IDE: variants seen among roughly 807,000 people sequenced by gnomAD.
IDE encodes insulin degrading enzyme.
In IDE, 58 loss-of-function variants were observed where a neutral mutation model predicts 133.2. The ratio of observed to expected loss-of-function variants is 0.44; its 90% CI spans 0.35 to 0.54. The LOEUF (loss-of-function observed/expected upper bound fraction) is 0.54. IDE is among the 20% of genes least tolerant of loss of function. The probability of loss-of-function intolerance (pLI) is 0.00; values close to 1 mark genes in which losing one functional copy is unlikely to be tolerated. For synonymous variants in IDE, 396 were observed against 421.3 expected, an observed-to-expected ratio of 0.94 and a Z score of 0.73; for missense variants, 981 against 1,234.0, an observed-to-expected ratio of 0.79 and a Z score of 3.07.
At chr10:92,552,142 GAACTT>G (rs1350072681) in intron 1 of IDE, among the ~76,000 whole-genome samples, 1 of 152,074 alleles carries the variant, frequency 6.6e-6, no homozygotes, top group African/African-American at 2.4e-5. Flanking sequence ...TAAAAGAAAA[GAACTT>G]AACTATGGAA....
rs866521758 is a variant in IDE at position 92,519,895 on chromosome 10, A to G, written c.662-4853T>C. 7.2e-5 allele frequency among the ~76,000 whole-genome samples: 11 copies of G among 152,354 alleles called. 1 individual carries two copies. In the South Asian group the frequency reaches 2.1e-3, roughly 29 times the overall value. On this transcript the variant is annotated intron_variant, in intron 4 of 24. Transcript: ENST00000265986. Reference sequence around the variant, plus strand: ...TGAGGCAGGCGGATCACCTGAGGTCAGGAGCTTGAGACCAGCCTGGCCAAC... The same window carrying G: ...TGAGGCAGGCGGATCACCTGAGGTCGGGAGCTTGAGACCAGCCTGGCCAAC...
At chr10:92,535,364 A>G (rs564208219) in intron 2 of IDE, among the ~76,000 whole-genome samples, 1 of 152,252 alleles carries the variant, frequency 6.6e-6, no homozygotes, top group South Asian at 2.1e-4. Context: ...CGGCCTCCCA[A>G]AGTGCTGGGA....
chr10:92,495,369 C>T (rs1343327294), intron 11 of IDE, among the ~76,000 whole-genome samples: 2 of 151,960 alleles, frequency 1.3e-5, no homozygotes, highest in African/African-American at 4.8e-5. Flanking sequence ...TACAGGCACA[C>T]GCCACCATGC....
chr10:92,485,832 C>T (rs1422548558), intron 13 of IDE, among the ~76,000 whole-genome samples: 2 of 152,024 alleles, frequency 1.3e-5, no homozygotes, highest in African/African-American at 4.8e-5. Context: ...AATCCAGCTA[C>T]TTAGGAGGCT....
At chr10:92,462,542 G>T (rs1845449588) in intron 21 of IDE, among the ~76,000 whole-genome samples, 1 of 151,960 alleles carries the variant, frequency 6.6e-6, no homozygotes, top group South Asian at 2.1e-4. Context: ...GGAGGTGGAG[G>T]TTGCGGTGAG....
chr10:92,571,083 G>A (rs1160719436), intron 1 of IDE, among the ~76,000 whole-genome samples: 2 of 151,302 alleles, frequency 1.3e-5, no homozygotes, highest in Admixed American at 6.6e-5. Flanking sequence ...GGGTTCAAGC[G>A]ATTCTCCTGC....
At chr10:92,487,753 G>A (rs1336810095) in intron 12 of IDE, among the ~76,000 whole-genome samples, 1 of 152,194 alleles carries the variant, frequency 6.6e-6, no homozygotes, top group Non-Finnish European at 1.5e-5. Flanking sequence ...ATCCATGAAT[G>A]GCCTGAAAGC....
rs1205968986 is a variant in IDE, at chr10:92,479,277, A to T, written c.1884T>A (p.Tyr628Ter). ...YDLQNTIYGM[Y>*]LSVKGYNDKQ... ...AAGGCTCTAAGGCGTGGGTACTTAC[A>T]TACATCCCATAGATGGTATTTTGGA... is the stretch of plus-strand genomic sequence containing the variant. Residue 628 changes from tyrosine (Y) to a stop codon, truncating the protein, a stop_gained and splice_region_variant, in exon 15 of 25, where the codon TAT (tyrosine) becomes TAA (stop). Coordinates refer to ENST00000265986, the MANE Select transcript of IDE (RefSeq NM_004969.4). LOFTEE classifies it high-confidence loss of function. 1 of 1,606,570 alleles carries T rather than the reference A, an allele frequency of 6.2e-7. No homozygotes were observed. The highest frequency in any genetic ancestry group is 8.5e-7 in the Non-Finnish European group (1 of 1,173,708).
At chr10:92,545,893 A>G (rs1842515822) in intron 1 of IDE, among the ~76,000 whole-genome samples, 1 of 152,234 alleles carries the variant, frequency 6.6e-6, no homozygotes, top group African/African-American at 2.4e-5. Flanking sequence ...GGCACTATAC[A>G]CTAAAGCTCA....
At chr10:92,570,907 C>G (rs1843749984) in intron 1 of IDE, among the ~76,000 whole-genome samples, 1 of 151,616 alleles carries the variant, frequency 6.6e-6, no homozygotes, top group Admixed American at 6.6e-5. Context: ...CAGAGTGAAA[C>G]CCTGTCTCGA....
chr10:92,541,908 T>A (rs1406525021), intron 1 of IDE, among the ~76,000 whole-genome samples: 1 of 152,166 alleles, frequency 6.6e-6, no homozygotes, highest in Non-Finnish European at 1.5e-5. Context: ...TCCCCTCATC[T>A]TACATACAAG....
Position 92,534,802 on chromosome 10 carries a change from G to A in IDE, c.284-17C>T, listed in dbSNP as rs374815692. On this transcript the variant is annotated splice_polypyrimidine_tract_variant and intron_variant, in intron 2 of 24. Coordinates refer to ENST00000265986, the MANE Select transcript of IDE (RefSeq NM_004969.4). ...ACAATGAACCTGAAAGAGAAAACAC[G>A]TATATAATAAATCATTGTCCTATGC... 2.0e-5 allele frequency: 32 copies of A among 1,584,340 alleles called. No homozygotes were observed. Among genetic ancestry groups the A allele is most frequent in the South Asian group, 5.5e-5 (5 of 90,454 alleles).
chr10:92,477,280 G>A (rs1200019318), intron 15 of IDE, among the ~76,000 whole-genome samples: 1 of 152,080 alleles, frequency 6.6e-6, no homozygotes, highest in Non-Finnish European at 1.5e-5. Context: ...AGCCTCTGGA[G>A]TAGCTGGACT....
intron 4 of IDE, among the ~76,000 whole-genome samples, chr10:92,531,421 T>C (rs1436780194): frequency 1.3e-5 from 2 of 152,174 alleles, no homozygotes; most frequent in Non-Finnish European, 2.9e-5. Context: ...AATACTACAG[T>C]GAGCCTTTAC....
rs558942995 is a variant in IDE, at chr10:92,470,577, C to CT, written c.2117-233dup. On this transcript the variant is annotated intron_variant, in intron 17 of 24. Coordinates refer to ENST00000265986, the MANE Select transcript of IDE (RefSeq NM_004969.4). ...TTATTTGGATTTTTCCCATTTTTAT[C>CT]TTTTTTTTTATTCCAGGATTTGATC... is the stretch of plus-strand genomic sequence containing the variant. Among the ~76,000 whole-genome samples, 20 of 151,510 alleles carry CT rather than the reference C, an allele frequency of 1.3e-4. No individual in the cohort carries two copies. In the East Asian group the frequency reaches 1.5e-3, roughly 12 times the overall value.
intron 18 of IDE, 121 bp downstream of exon 18, chr10:92,470,133 G>T: frequency 1.7e-6 from 1 of 596,208 alleles, no homozygotes; most frequent in Non-Finnish European, 2.9e-6. Flanking sequence ...GAGCAAGAGG[G>T]TTGAGTAAAC....
At chr10:92,489,133 C>T (rs976128577) in intron 12 of IDE, among the ~76,000 whole-genome samples, 2 of 152,170 alleles carry the variant, frequency 1.3e-5, no homozygotes, top group East Asian at 3.9e-4. Context: ...TTGTGACTTT[C>T]GGCACTGGGG....
At chr10:92,478,234 G>T (rs1243108110) in intron 15 of IDE, among the ~76,000 whole-genome samples, 1 of 152,174 alleles carries the variant, frequency 6.6e-6, no homozygotes, top group African/African-American at 2.4e-5. Context: ...TAAAATGTCA[G>T]ATGTATCTGA....
intron 11 of IDE, chr10:92,497,576 T>C (rs1847780618): frequency 4.6e-6 from 1 of 218,670 alleles, no homozygotes; most frequent in Admixed American, 6.5e-5. Context: ...AAATGGCCTC[T>C]AAGGTTCCTT....
Sources: gnomAD v4.1 joint callset for allele counts (sites outside exome capture counted in the v4.1 genomes callset) on GRCh38, gnomAD v4.1.1 for gene constraint, MANE v1.5 for transcripts, NCBI Gene and HGNC (gene_info 2026-07-23, HGNC 2026-07-21) for gene names.